MB21D2: variants seen among roughly 807,000 people sequenced by gnomAD.
MB21D2 encodes Mab-21 domain containing 2.
MB21D2 carries 9 observed loss-of-function variants against 33.3 expected under a neutral mutation model. The observed-to-expected ratio is 0.27, with a 90% CI of 0.16 to 0.47. The LOEUF (loss-of-function observed/expected upper bound fraction) is 0.47, where lower values mean the gene tolerates loss of function less well. Ranked by LOEUF, MB21D2 falls within the 20% of genes least tolerant of loss-of-function variation. MB21D2 has a pLI of 0.99. For synonymous variants in MB21D2, 241 were observed against 236.3 expected (o/e 1.02, Z -0.18); for missense variants, 540 against 624.6 (o/e 0.86, Z 1.44).
intron 1 of MB21D2, among the ~76,000 whole-genome samples, chr3:192,828,978 C>T (rs539330768): frequency 5.7e-4 from 87 of 152,002 alleles, no homozygotes; most frequent in South Asian, 1.2e-3. Flanking sequence ...AGATGCAGTT[C>T]GGTAAGTTTG....
chr3:192,801,565 T>C (rs951123201), intron 1 of MB21D2, among the ~76,000 whole-genome samples: 3 of 152,142 alleles, frequency 2.0e-5, no homozygotes, highest in African/African-American at 4.8e-5. Context: ...ATGAGTGGGA[T>C]TGGTACCCTT....
chr3:192,874,652 C>G (rs1311594230), intron 1 of MB21D2, among the ~76,000 whole-genome samples: 2 of 152,188 alleles, frequency 1.3e-5, no homozygotes, highest in Non-Finnish European at 1.5e-5. Flanking sequence ...TTCGCTTCCT[C>G]CCAGCTCCTT....
At chr3:192,844,190 T>C (rs1171808118) in intron 1 of MB21D2, among the ~76,000 whole-genome samples, 1 of 152,208 alleles carries the variant, frequency 6.6e-6, no homozygotes, top group East Asian at 1.9e-4. Flanking sequence ...CACTCTCACT[T>C]ACGTTGTCCT....
intron 1 of MB21D2, among the ~76,000 whole-genome samples, chr3:192,844,077 T>C (rs1434841646): frequency 6.6e-6 from 1 of 152,184 alleles, no homozygotes; most frequent in Non-Finnish European, 1.5e-5. Context: ...CTCAACTTTT[T>C]TCTTTCTAGT....
chr3:192,891,927 C>T (rs4472002), intron 1 of MB21D2, among the ~76,000 whole-genome samples: 49,812 of 151,894 alleles, frequency 0.33, 9,817 homozygotes, highest in East Asian at 0.59. Context: ...GTTGATTCGA[C>T]TTTAGGCCTA....
At chr3:192,875,412 T>C (rs187992676) in intron 1 of MB21D2, among the ~76,000 whole-genome samples, 108 of 152,326 alleles carry the variant, frequency 7.1e-4, no homozygotes, top group African/African-American at 2.5e-3. Context: ...TAAACCAGGA[T>C]TGCCACATGG....
intron 1 of MB21D2, among the ~76,000 whole-genome samples, chr3:192,902,770 TGAG>T (rs1318596869): frequency 6.6e-6 from 1 of 152,220 alleles, no homozygotes; most frequent in Non-Finnish European, 1.5e-5. Flanking sequence ...TTTCAGATCC[TGAG>T]GAGGTGTTTC....
chr3:192,834,641 A>G (rs957850047), intron 1 of MB21D2, among the ~76,000 whole-genome samples: 14 of 152,064 alleles, frequency 9.2e-5, no homozygotes, highest in African/African-American at 3.4e-4. Flanking sequence ...AAAAACAAGG[A>G]AACCAAACAC....
intron 1 of MB21D2, among the ~76,000 whole-genome samples, chr3:192,865,510 T>C (rs1004808878): frequency 2.0e-5 from 3 of 152,220 alleles, no homozygotes; most frequent in Non-Finnish European, 2.9e-5. Context: ...CAAGTACTGA[T>C]TTGCTTCATC....
chr3:192,895,828 C>G (rs4416339), intron 1 of MB21D2, among the ~76,000 whole-genome samples: 77,872 of 151,836 alleles, frequency 0.51, 20,080 homozygotes, highest in South Asian at 0.53. Context: ...TGCCTCCCAG[C>G]CTCAAGCAAT....
intron 1 of MB21D2, among the ~76,000 whole-genome samples, chr3:192,836,335 A>AAC (rs1712438540): frequency 6.6e-6 from 1 of 152,210 alleles, no homozygotes; most frequent in Admixed American, 6.5e-5. Context: ...CCAGACCTCT[A>AAC]ACACACAAAA....
chr3:192,799,127 A>G lies in MB21D2; in HGVS notation c.735T>C (p.Pro245=). 1 of 1,614,196 alleles carries G rather than the reference A, an allele frequency of 6.2e-7. No homozygotes were observed. Among genetic ancestry groups the G allele is most frequent in the Non-Finnish European group, 8.5e-7 (1 of 1,180,008 alleles). ...IVPVVSFKGW[P]AVAQSWLMEN... ...CCATGAGCCAGCTCTGGGCCACTGC[A>G]GGCCAACCTTTGAAAGATACCACAG... The change falls in exon 2 of 2, where the codon CCT becomes CCC. Residue 245 remains proline (P), a synonymous_variant. Coordinates refer to ENST00000392452, the MANE Select transcript of MB21D2 (RefSeq NM_178496.4). The surrounding 1 kb of genome is among the most constrained non-coding windows in gnomAD (Gnocchi z 4.1).
chr3:192,837,899 C>T (rs751517953), intron 1 of MB21D2, among the ~76,000 whole-genome samples: 5 of 152,160 alleles, frequency 3.3e-5, no homozygotes, highest in South Asian at 2.1e-4. Context: ...CTGGAGGTAC[C>T]GCCCATCTAT....
chr3:192,905,400 A>C (rs1038327410), intron 1 of MB21D2, among the ~76,000 whole-genome samples: 6 of 152,060 alleles, frequency 3.9e-5, no homozygotes, highest in African/African-American at 1.4e-4. Flanking sequence ...GCAATTTAGG[A>C]GGCCGAGGTG....
At chr3:192,908,008 G>A (rs994098317) in intron 1 of MB21D2, among the ~76,000 whole-genome samples, 5 of 152,086 alleles carry the variant, frequency 3.3e-5, no homozygotes, top group African/African-American at 1.2e-4. Context: ...CAATCACTAT[G>A]GACATTTCTT....
At chr3:192,837,462 G>C (rs1316653913) in intron 1 of MB21D2, among the ~76,000 whole-genome samples, 1 of 152,134 alleles carries the variant, frequency 6.6e-6, no homozygotes, top group Non-Finnish European at 1.5e-5. Flanking sequence ...CAGCTCAAGG[G>C]GAGAACGAGC....
intron 1 of MB21D2, among the ~76,000 whole-genome samples, chr3:192,874,959 G>A (rs769306146): frequency 5.9e-5 from 9 of 151,474 alleles, no homozygotes; most frequent in Non-Finnish European, 1.0e-4. Flanking sequence ...CACTGAAGAC[G>A]CACCATCTAG....
rs900221394 is a variant in MB21D2 at position 192,797,342 on chromosome 3, A to C, written c.*1044T>G. On this transcript the variant is annotated 3_prime_UTR_variant, in exon 2 of 2. Coordinates refer to ENST00000392452, the MANE Select transcript of MB21D2 (RefSeq NM_178496.4). ...AAAAAGCTTACCTCTATGACCCCAA[A>C]AGAAATAAATACAAAGACACCTACT... The C allele has an allele frequency of 1.3e-5, 2 of 152,644 alleles. No homozygotes were observed. The highest frequency in any genetic ancestry group is 2.4e-5 in the African/African-American group (1 of 41,454). The allele number at this position is 152,644 out of a possible 1,614,324, so 9.5% of individuals were successfully genotyped here.
chr3:192,878,601 G>A (rs113350425), intron 1 of MB21D2, among the ~76,000 whole-genome samples: 1,653 of 152,156 alleles, frequency 0.011, 34 homozygotes, highest in African/African-American at 0.038. Flanking sequence ...TAAGTCTTGC[G>A]GACCTGACTG....
Sources: allele counts gnomAD v4.1 joint callset (sites outside exome capture counted in the v4.1 genomes callset), GRCh38; gene constraint gnomAD v4.1.1; non-coding constraint Gnocchi (gnomAD v3.1); transcripts MANE v1.5; gene names NCBI Gene and HGNC (gene_info 2026-07-23, HGNC 2026-07-21).